Variants in LNPEP observed in about 807,000 individuals in gnomAD.
LNPEP encodes the protein leucyl-cystinyl aminopeptidase.
LNPEP carries 64 observed loss-of-function variants against 120.6 expected under a neutral mutation model. That is an observed-to-expected ratio of 0.53 (90% CI 0.43 to 0.65). The LOEUF is 0.65. Ranked by LOEUF, LNPEP falls within the 30% of genes least tolerant of loss-of-function variation. The probability of loss-of-function intolerance (pLI) is 0.00; values close to 1 mark genes in which losing one functional copy is unlikely to be tolerated. For missense variants in LNPEP, 1,057 were observed against 1,200.0 expected (o/e 0.88, Z 1.76); for synonymous variants, 435 against 425.4 (o/e 1.02, Z -0.28).
rs562125828 is a variant in LNPEP at position 96,950,925 on chromosome 5, G to C, written c.19+14751G>C. On this transcript the variant is annotated intron_variant, in intron 1 of 17. Coordinates refer to ENST00000231368, the MANE Select transcript of LNPEP (RefSeq NM_005575.3). ...GTGTAGTAGTCTGCTCTGGCTGTTA[G>C]AATGAAGTAATACAGACTGGGTGGC... is the stretch of plus-strand genomic sequence containing the variant. Among the ~76,000 whole-genome samples the C allele has an allele frequency of 9.8e-5, 15 of 152,302 alleles. No individual in the cohort carries two copies. The East Asian group carries it at 2.3e-3, about 24-fold the overall frequency.
chr5:96,980,856 A>C (rs1489008440), intron 2 of LNPEP, among the ~76,000 whole-genome samples: 2 of 152,226 alleles, frequency 1.3e-5, no homozygotes, highest in Non-Finnish European at 2.9e-5. Context: ...ATCTAAAGGA[A>C]ACTTTTTGAT....
chr5:96,989,107 T>G (rs1049851322), intron 4 of LNPEP, among the ~76,000 whole-genome samples: 1 of 151,204 alleles, frequency 6.6e-6, no homozygotes, highest in Non-Finnish European at 1.5e-5. Flanking sequence ...ATTCCTGTAT[T>G]AGGAAACAAC....
At chr5:96,936,226 T>C in intron 1 of LNPEP, 52 bp downstream of exon 1, 1 of 1,353,122 alleles carries the variant, frequency 7.4e-7, no homozygotes, top group Non-Finnish European at 9.6e-7. Context: ...GCCCTGAGGG[T>C]CGTGGGCAGT....
At chr5:96,986,410 T>G in intron 3 of LNPEP, 129 bp from the exon 4 acceptor site, 1 of 865,222 alleles carries the variant, frequency 1.2e-6, no homozygotes, top group Admixed American at 2.3e-5. Flanking sequence ...CAGAAATTCA[T>G]ACTGAGAGGT....
chr5:97,013,090 A>G (rs111492768), intron 11 of LNPEP, among the ~76,000 whole-genome samples: 19 of 152,204 alleles, frequency 1.2e-4, no homozygotes, highest in Admixed American at 3.3e-4. Flanking sequence ...TCCTCTAGCC[A>G]TAATGAACTT....
rs937617902 is a variant in LNPEP, at chr5:97,035,622, A to G, written c.*7089A>G. ...TATTTTATTTCATTCTCTAGGATCT[A>G]TTCCATTAAGGATGCAAGTGTGTAG... is the stretch of plus-strand genomic sequence containing the variant. On this transcript the variant is annotated 3_prime_UTR_variant, in exon 18 of 18. Transcript: ENST00000231368. 3 of 152,150 alleles carry G rather than the reference A, an allele frequency of 2.0e-5. No individual in the cohort carries two copies. Among genetic ancestry groups the G allele is most frequent in the Non-Finnish European group, 4.4e-5 (3 of 68,010 alleles). 9.4% of individuals were successfully genotyped at this position (152,150 alleles called of 1,614,324 possible).
At chr5:96,937,820 G>A (rs1788954053) in intron 1 of LNPEP, 1 of 152,088 alleles carries the variant, frequency 6.6e-6, no homozygotes, top group African/African-American at 2.4e-5. Flanking sequence ...TTCTAGATGT[G>A]GGTATTTGCA....
intron 1 of LNPEP, among the ~76,000 whole-genome samples, chr5:96,962,170 C>G (rs1789621971): frequency 6.6e-6 from 1 of 152,128 alleles, no homozygotes; most frequent in Non-Finnish European, 1.5e-5. Context: ...CCAGCCTTCT[C>G]CAGAGGCTAT....
rs2112681313 is a variant in LNPEP at position 97,031,238 on chromosome 5, A to T, written c.*2705A>T. On this transcript the variant is annotated 3_prime_UTR_variant, in exon 18 of 18. Transcript: ENST00000231368. The stretch of plus-strand genomic sequence containing the variant: ...GAAATGTTTATGCTTTGGAGATCTA[A>T]AAAAGTTATGAATGTAGGAATTAGA... The T allele has an allele frequency of 6.6e-6, 1 of 151,866 alleles. No individual in the cohort carries two copies. The highest frequency in any genetic ancestry group is 1.5e-5 in the Non-Finnish European group (1 of 67,960). 9.4% of individuals were successfully genotyped at this position (151,866 alleles called of 1,614,324 possible).
At chr5:96,974,432 A>G (rs1182648447) in intron 1 of LNPEP, among the ~76,000 whole-genome samples, 1 of 152,022 alleles carries the variant, frequency 6.6e-6, no homozygotes, top group African/African-American at 2.4e-5. Context: ...GTCCCTCTGG[A>G]TGCTACGCCA....
At chr5:96,958,590 TAA>T (rs1377960897) in intron 1 of LNPEP, 14 of 723,340 alleles carry the variant, frequency 1.9e-5, no homozygotes, top group Non-Finnish European at 2.2e-5. Context: ...AAATTTATCT[TAA>T]AGTTATTGGC....
chr5:97,018,700 A>C (rs1272343469), intron 13 of LNPEP, among the ~76,000 whole-genome samples: 1 of 152,202 alleles, frequency 6.6e-6, no homozygotes, highest in Admixed American at 6.5e-5. Context: ...GACATTTATG[A>C]ATCCTTGGAT....
At chr5:97,012,344 TATCTC>T in intron 11 of LNPEP, among the ~76,000 whole-genome samples, 1 of 152,322 alleles carries the variant, frequency 6.6e-6, no homozygotes, top group Non-Finnish European at 1.5e-5. Flanking sequence ...AGATTATTCT[TATCTC>T]TACTCTTCTT....
intron 8 of LNPEP, 129 bp from the exon 9 acceptor site, chr5:97,003,286 A>G (rs1790696584): frequency 1.8e-6 from 1 of 566,720 alleles, no homozygotes; most frequent in Non-Finnish European, 3.1e-6. Flanking sequence ...GTAGCAGTAT[A>G]TTATAACTAA....
chr5:96,936,291 C>A, intron 1 of LNPEP, 117 bp downstream of exon 1: 1 of 688,964 alleles, frequency 1.5e-6, no homozygotes, highest in Non-Finnish European at 2.0e-6. Context: ...GGGCTTCCCA[C>A]GAGGGCTGAG....
Position 97,030,646 on chromosome 5 carries a change from G to C in LNPEP, c.*2113G>C, listed in dbSNP as rs906380671. On this transcript the variant is annotated 3_prime_UTR_variant, in exon 18 of 18. Transcript: ENST00000231368. ...TGTGTGTGTGTGTGTGTGTGTGTGT[G>C]TGTGTGTGTGTGTGTGTGTGTGTAG... is the stretch of plus-strand genomic sequence containing the variant. The C allele has an allele frequency of 1.0e-3, 158 of 151,394 alleles. No homozygotes were observed. The highest frequency in any genetic ancestry group is 3.5e-3 in the African/African-American group (145 of 41,188). The allele number at this position is 151,394 out of a possible 1,614,324, so 9.4% of individuals were successfully genotyped here. A position where few individuals can be genotyped will look rare whatever the true frequency, so the allele number is the denominator to read the frequency against.
chr5:96,937,119 GTC>G (rs749383534), intron 1 of LNPEP: 3 of 152,224 alleles, frequency 2.0e-5, no homozygotes, highest in Non-Finnish European at 4.4e-5. Flanking sequence ...AGAGGATTCA[GTC>G]TCTGGTTGAC....
At chr5:97,001,715 CAA>C (rs1790655968) in intron 8 of LNPEP, among the ~76,000 whole-genome samples, 1 of 150,924 alleles carries the variant, frequency 6.6e-6, no homozygotes, top group African/African-American at 2.5e-5. Context: ...GGGAGAGAAT[CAA>C]GAGTAGTGTC....
At chr5:97,011,567 G>A (rs1790930211) in intron 11 of LNPEP, among the ~76,000 whole-genome samples, 1 of 152,278 alleles carries the variant, frequency 6.6e-6, no homozygotes, top group East Asian at 1.9e-4. Context: ...ATAGGATATA[G>A]TGTTTGGTGA....
Sources: allele counts gnomAD v4.1 joint callset (sites outside exome capture counted in the v4.1 genomes callset), GRCh38; gene constraint gnomAD v4.1.1; transcripts MANE v1.5; gene names NCBI Gene and HGNC (gene_info 2026-07-23, HGNC 2026-07-21).